Variants in DNAJC6 observed in about 807,000 individuals in gnomAD.
DNAJC6 encodes DnaJ heat shock protein family (Hsp40) member C6.
Under a neutral mutation model 110.0 loss-of-function variants are expected in DNAJC6, and 34 were observed. That is an observed-to-expected ratio of 0.31 (90% CI 0.24 to 0.41). DNAJC6 has a LOEUF of 0.41. Ranked by LOEUF, DNAJC6 falls within the 10% of genes least tolerant of loss-of-function variation. The pLI is 1.00. For synonymous variants in DNAJC6, 406 were observed against 437.2 expected (o/e 0.93, Z 0.89); for missense variants, 1,031 against 1,207.8 (o/e 0.85, Z 2.17).
Position 65,379,468 on chromosome 1 carries a change from A to C in DNAJC6, c.610A>C (p.Asn204His). ...SLHNLFAVCR[N>H]MYNWLLQNPK... ...GCACAACCTTTTTGCTGTGTGTCGG[A>C]ATATGTATAACTGGCTACTGCAGAA... The change falls in exon 5 of 19, where the codon AAT (asparagine) becomes CAT (histidine). Residue 204 changes from asparagine (N) to histidine (H), a missense_variant. Transcript: ENST00000371069. The C allele has an allele frequency of 6.2e-7, 1 of 1,614,144 alleles. No individual in the cohort carries two copies. The highest frequency in any genetic ancestry group is 8.5e-7 in the Non-Finnish European group (1 of 1,179,994).
At position 65,315,907 on chromosome 1, in the gene DNAJC6, G is replaced by A. The variant is rs553185003; in HGVS notation, c.193+5969G>A. 5.9e-5 allele frequency among the ~76,000 whole-genome samples: 9 copies of A among 152,220 alleles called. No homozygotes were observed. The East Asian group carries it at 1.7e-3, about 29-fold the overall frequency. On this transcript the variant is annotated intron_variant, in intron 1 of 18. Coordinates refer to ENST00000371069, the MANE Select transcript of DNAJC6 (RefSeq NM_001256864.2). ...GGCAAGGAAAAATAGGAGTGATTGA[G>A]AGAACCAAAATGAGTTCAGTTGTTT...
intron 1 of DNAJC6, among the ~76,000 whole-genome samples, chr1:65,331,184 A>G (rs2101453027): frequency 6.6e-6 from 1 of 152,320 alleles, no homozygotes; most frequent in African/African-American, 2.4e-5. Flanking sequence ...CTCCTTCTTC[A>G]GCTCCAGGGA....
intron 1 of DNAJC6, among the ~76,000 whole-genome samples, chr1:65,343,960 A>G (rs544159684): frequency 1.3e-5 from 2 of 152,290 alleles, no homozygotes; most frequent in East Asian, 3.9e-4. Context: ...ACGTGTTCCA[A>G]TTGATGGCAG....
At position 65,302,110 on chromosome 1, in the gene DNAJC6, A is replaced by ACG. The variant is rs1254893472; in HGVS notation, c.-131+37178_-131+37179insCG. Reference sequence around the variant, plus strand: ...ATATATTATATATATAATATATAATATATATATATATATAAAAAATATATA... The same window carrying ACG: ...ATATATTATATATATAATATATAATACGTATATATATATATAAAAAATATATA... On this transcript the variant is annotated intron_variant, in intron 1 of 19. Transcript: ENST00000263441. Among the ~76,000 whole-genome samples the ACG allele has an allele frequency of 1.7e-3, 93 of 54,516 alleles. 2 individuals are homozygous for ACG. In the East Asian group the frequency reaches 0.052, roughly 30 times the overall value. The allele number at this position is 54,516 out of a possible 152,430, so 35.8% of individuals were successfully genotyped here. A position where few individuals can be genotyped will look rare whatever the true frequency, so the allele number is the denominator to read the frequency against.
At chr1:65,336,416 A>T (rs534487824) in intron 1 of DNAJC6, among the ~76,000 whole-genome samples, 1 of 152,112 alleles carries the variant, frequency 6.6e-6, no homozygotes, top group South Asian at 2.1e-4. Flanking sequence ...ACACAGCCAA[A>T]CCATGTCAAC....
intron 1 of DNAJC6, among the ~76,000 whole-genome samples, chr1:65,339,196 A>AG (rs1227542684): frequency 6.6e-6 from 1 of 152,170 alleles, no homozygotes; most frequent in Non-Finnish European, 1.5e-5. Context: ...AGAAAAAAAA[A>AG]ATGAGGTGGA....
At chr1:65,351,323 G>A (rs536840107) in intron 1 of DNAJC6, among the ~76,000 whole-genome samples, 3 of 152,252 alleles carry the variant, frequency 2.0e-5, no homozygotes, top group African/African-American at 7.2e-5. Flanking sequence ...AGGAGCTCAA[G>A]TCCAATACCA....
chr1:65,376,949 T>C (rs1206907783), intron 4 of DNAJC6, among the ~76,000 whole-genome samples: 7 of 152,176 alleles, frequency 4.6e-5, no homozygotes, highest in Non-Finnish European at 7.4e-5. Context: ...TTTTGTGTTT[T>C]TAGTAGAGTT....
At chr1:65,330,954 T>C (rs541657132) in intron 1 of DNAJC6, among the ~76,000 whole-genome samples, 1 of 152,348 alleles carries the variant, frequency 6.6e-6, no homozygotes, top group South Asian at 2.1e-4. Flanking sequence ...GGGAAGGGCT[T>C]ACTTTTTCTC....
chr1:65,344,760 A>G (rs1458935682), intron 1 of DNAJC6, among the ~76,000 whole-genome samples: 1 of 152,132 alleles, frequency 6.6e-6, no homozygotes, highest in East Asian at 1.9e-4. Context: ...GAGCATAATT[A>G]AGCCAGAAAG....
intron 1 of DNAJC6, among the ~76,000 whole-genome samples, chr1:65,298,049 C>A (rs1461940617): frequency 1.3e-5 from 2 of 152,014 alleles, no homozygotes; most frequent in Non-Finnish European, 2.9e-5. Context: ...TTAAAAAAAA[C>A]CCTAGTGTCT....
At position 65,321,517 on chromosome 1, in the gene DNAJC6, C is replaced by T. The variant is rs141710164; in HGVS notation, c.193+11579C>T. 1.5e-3 allele frequency among the ~76,000 whole-genome samples: 222 copies of T among 152,092 alleles called. 3 individuals carry two copies. The highest frequency in any genetic ancestry group is 4.8e-3 in the African/African-American group (197 of 41,472). On this transcript the variant is annotated intron_variant, in intron 1 of 18. Transcript: ENST00000371069. ...CAGCCTAAATTTAATTTTTTAAAGA[C>T]GATTTTTTTTTAAGAGAAGTTTTAT...
intron 1 of DNAJC6, among the ~76,000 whole-genome samples, chr1:65,286,971 C>T (rs1354000016): frequency 3.3e-5 from 5 of 152,296 alleles, no homozygotes; most frequent in Non-Finnish European, 7.4e-5. Context: ...GTTTTCTATG[C>T]TGTTTTGCCT....
chr1:65,408,861 G>C, intron 17 of DNAJC6, 78 bp downstream of exon 17: 1 of 1,511,716 alleles, frequency 6.6e-7, no homozygotes. Flanking sequence ...TGGAGCTATC[G>C]CCATGAGAGT....
At chr1:65,372,914 G>A (rs1445939867) in intron 4 of DNAJC6, among the ~76,000 whole-genome samples, 2 of 152,024 alleles carry the variant, frequency 1.3e-5, no homozygotes, top group Non-Finnish European at 2.9e-5. Context: ...ACCATTTTAA[G>A]TGTACAGTTT....
At position 65,384,282 on chromosome 1, in the gene DNAJC6, A is replaced by G. The variant is rs535694777; in HGVS notation, c.756A>G (p.Leu252=). The G allele has an allele frequency of 6.9e-6, 11 of 1,585,712 alleles. No individual in the cohort carries two copies. In the African/African-American group the frequency reaches 9.5e-5, roughly 14 times the overall value. ...YSTPGPAIRL[L]YAKRPGIGLS... The stretch of plus-strand genomic sequence containing the variant: ...CTCCTGGCCCAGCCATTCGATTGCT[A>G]TATGCAAAGCGACCAGGAATTGGAC... Residue 252 remains leucine (L), a synonymous_variant, in exon 6 of 19, where the codon CTA becomes CTG. Coordinates refer to ENST00000371069, the MANE Select transcript of DNAJC6 (RefSeq NM_001256864.2).
chr1:65,329,114 C>T (rs1645265754), intron 1 of DNAJC6, among the ~76,000 whole-genome samples: 1 of 152,166 alleles, frequency 6.6e-6, no homozygotes, highest in East Asian at 1.9e-4. Context: ...CCTGCAATGG[C>T]CGCTTCTCCT....
chr1:65,402,908 A>G (rs12041028), intron 15 of DNAJC6, among the ~76,000 whole-genome samples: 1 of 152,350 alleles, frequency 6.6e-6, no homozygotes, highest in East Asian at 1.9e-4. Flanking sequence ...ATATCAGATG[A>G]AATTTTACTT....
chr1:65,335,108 CT>C (rs71056100), intron 1 of DNAJC6, among the ~76,000 whole-genome samples: 380 of 142,788 alleles, frequency 2.7e-3, no homozygotes, highest in African/African-American at 4.0e-3. Flanking sequence ...CTATGTCTGT[CT>C]TTTTTTTTTT....
Sources: allele counts gnomAD v4.1 joint callset (sites outside exome capture counted in the v4.1 genomes callset), GRCh38; gene constraint gnomAD v4.1.1; transcripts MANE v1.5; gene names NCBI Gene and HGNC (gene_info 2026-07-23, HGNC 2026-07-21).